Variants in NAALADL2 observed in about 807,000 individuals in gnomAD.
The protein encoded by NAALADL2 is N-acetylated alpha-linked acidic dipeptidase like 2, also known as inactive N-acetylated-alpha-linked acidic dipeptidase-like protein 2.
In NAALADL2, 76 loss-of-function variants were observed where a neutral mutation model predicts 87.2. The ratio of observed to expected loss-of-function variants is 0.87; its 90% CI spans 0.72 to 1.05. The LOEUF is 1.05. Among genes scored for constraint, NAALADL2 ranks in the 50% least tolerant of loss-of-function variants. The pLI is 0.00. For missense variants in NAALADL2, 1,089 were observed against 945.8 expected (o/e 1.15, Z -1.99); for synonymous variants, 354 against 331.0 (o/e 1.07, Z -0.75).
chr3:174,775,157 A>G (rs1002794127), intron 3 of NAALADL2, among the ~76,000 whole-genome samples: 9 of 152,106 alleles, frequency 5.9e-5, no homozygotes, highest in African/African-American at 1.9e-4. Flanking sequence ...TTTATATAAT[A>G]TGATATTCAT....
intron 2 of NAALADL2, among the ~76,000 whole-genome samples, chr3:175,229,176 T>C (rs1654192755): frequency 6.6e-6 from 1 of 151,802 alleles, no homozygotes; most frequent in Admixed American, 6.6e-5. Flanking sequence ...AATATTTCTT[T>C]AAATATTTTC....
chr3:175,066,471 G>A (rs528460909), intron 1 of NAALADL2, among the ~76,000 whole-genome samples: 1 of 152,060 alleles, frequency 6.6e-6, no homozygotes, highest in Non-Finnish European at 1.5e-5. Flanking sequence ...CACTGAGACT[G>A]CCACAAAGTA....
At chr3:174,444,683 C>T (rs891006024) in intron 1 of NAALADL2, among the ~76,000 whole-genome samples, 3 of 152,060 alleles carry the variant, frequency 2.0e-5, no homozygotes, top group Non-Finnish European at 2.9e-5. Context: ...AGAATATTAC[C>T]GTTATTATCA....
At position 175,723,085 on chromosome 3, in the gene NAALADL2, G is replaced by A. The variant is rs1001413864; in HGVS notation, c.1897-14221G>A. Among the ~76,000 whole-genome samples the A allele has an allele frequency of 7.9e-5, 12 of 152,186 alleles. 1 individual carries two copies. Among genetic ancestry groups the A allele is most frequent in the South Asian group, 4.1e-4 (2 of 4,826 alleles). On this transcript the variant is annotated intron_variant, in intron 11 of 13. Transcript: ENST00000454872. ...GGGGCAGGTTCTGCTGAGCCCCAGC[G>A]TCTAGTCAAGCTGTCCTAGATGTAG...
chr3:175,212,558 T>C (rs1172835581), intron 2 of NAALADL2, among the ~76,000 whole-genome samples: 3 of 151,990 alleles, frequency 2.0e-5, no homozygotes, highest in Non-Finnish European at 4.4e-5. Flanking sequence ...TTCATTTTTT[T>C]TTCTTCTTCC....
At chr3:174,753,564 T>A (rs1435519582) in intron 3 of NAALADL2, among the ~76,000 whole-genome samples, 2 of 152,138 alleles carry the variant, frequency 1.3e-5, no homozygotes, top group Non-Finnish European at 2.9e-5. Flanking sequence ...CTTTTTAAAG[T>A]AGGAGTGATC....
chr3:175,422,776 C>T (rs1715927939), intron 5 of NAALADL2, among the ~76,000 whole-genome samples: 1 of 151,830 alleles, frequency 6.6e-6, no homozygotes, highest in Non-Finnish European at 1.5e-5. Context: ...TTGACAGCAC[C>T]ATTGAACACA....
chr3:175,135,840 G>C (rs978026254), intron 2 of NAALADL2, among the ~76,000 whole-genome samples: 2 of 152,146 alleles, frequency 1.3e-5, no homozygotes, highest in African/African-American at 4.8e-5. Flanking sequence ...TGTTCTGAGA[G>C]CAGAATTTTA....
rs189050474 is a variant in NAALADL2, at chr3:174,859,360, G to A, written c.-48G>A. 4 of 1,454,944 alleles carry A rather than the reference G, an allele frequency of 2.7e-6. No homozygotes were observed. Among genetic ancestry groups the A allele is most frequent in the Admixed American group, 3.6e-5 (2 of 55,414 alleles). 90.1% of individuals were successfully genotyped at this position (1,454,944 alleles called of 1,614,324 possible). A position where few individuals can be genotyped will look rare whatever the true frequency, so the allele number is the denominator to read the frequency against. ...GAAGGTCACAAAGCTTGCAGGGTAA[G>A]TGACACAACTTGAAACTGCTTGGCC... On this transcript the variant is annotated 5_prime_UTR_variant, in exon 1 of 14. The change creates a new upstream start codon in the 5' untranslated region. Coordinates refer to ENST00000454872, the MANE Select transcript of NAALADL2 (RefSeq NM_207015.3).
chr3:174,489,580 A>T (rs1051473405), intron 1 of NAALADL2, among the ~76,000 whole-genome samples: 3 of 152,116 alleles, frequency 2.0e-5, no homozygotes, highest in African/African-American at 7.2e-5. Flanking sequence ...ATGTTAGCAA[A>T]TTATATCTTT....
chr3:174,968,158 C>T (rs150811368), intron 1 of NAALADL2, among the ~76,000 whole-genome samples: 5 of 152,270 alleles, frequency 3.3e-5, no homozygotes, highest in African/African-American at 4.8e-5. Flanking sequence ...CCACCTCTTA[C>T]TTTGGGTATG....
chr3:175,030,978 C>T (rs1259118055), intron 1 of NAALADL2, among the ~76,000 whole-genome samples: 6 of 151,968 alleles, frequency 3.9e-5, no homozygotes, highest in African/African-American at 9.6e-5. Flanking sequence ...TATCAGTATT[C>T]TTCAAAAGTG....
chr3:175,219,469 C>T (rs532191860), intron 2 of NAALADL2, among the ~76,000 whole-genome samples: 7 of 152,128 alleles, frequency 4.6e-5, no homozygotes, highest in Admixed American at 4.6e-4. Context: ...ATATCTTGAA[C>T]TCTATTGATT....
chr3:175,335,955 A>G (rs1363579934), intron 5 of NAALADL2, among the ~76,000 whole-genome samples: 1 of 152,144 alleles, frequency 6.6e-6, no homozygotes, highest in Non-Finnish European at 1.5e-5. Context: ...GAAACGTGTC[A>G]GGTAATTAAC....
rs59371769 is a variant in NAALADL2, at chr3:175,746,365, GT to G, written c.1991-8845del. Among the ~76,000 whole-genome samples, 865 of 138,656 alleles carry G rather than the reference GT, an allele frequency of 6.2e-3. 6 individuals are homozygous for G. Among genetic ancestry groups the G allele is most frequent in the African/African-American group, 0.02 (771 of 37,890 alleles). The allele number at this position is 138,656 out of a possible 152,430, so 91.0% of individuals were successfully genotyped here. On this transcript the variant is annotated intron_variant, in intron 12 of 13. Coordinates refer to ENST00000454872, the MANE Select transcript of NAALADL2 (RefSeq NM_207015.3). Reference sequence around the variant, plus strand: ...CAAATGATTGAGATCTATGTAATATGTTTTTTTTTTCTAAAAATTAAAAAGT... The same window carrying G: ...CAAATGATTGAGATCTATGTAATATGTTTTTTTTTCTAAAAATTAAAAAGT...
At chr3:175,118,973 T>C (rs1174342990) in intron 2 of NAALADL2, among the ~76,000 whole-genome samples, 3 of 151,804 alleles carry the variant, frequency 2.0e-5, no homozygotes, top group Admixed American at 2.0e-4. Flanking sequence ...TGTTGCCTAT[T>C]ATAACATGTG....
intron 1 of NAALADL2, among the ~76,000 whole-genome samples, chr3:174,990,587 C>A (rs1476415647): frequency 6.6e-6 from 1 of 151,578 alleles, no homozygotes; most frequent in Non-Finnish European, 1.5e-5. Context: ...TATGGAAAGC[C>A]GGGAGGAACT....
chr3:175,309,098 A>G (rs1227990182), intron 4 of NAALADL2, among the ~76,000 whole-genome samples: 1 of 152,214 alleles, frequency 6.6e-6, no homozygotes, highest in Non-Finnish European at 1.5e-5. Flanking sequence ...TGTGAAATAG[A>G]TCCCTTCTTT....
chr3:174,919,800 T>A (rs188750193), intron 1 of NAALADL2, among the ~76,000 whole-genome samples: 3 of 152,222 alleles, frequency 2.0e-5, no homozygotes, highest in South Asian at 2.1e-4. Flanking sequence ...TACAGCTTTA[T>A]GAAATGTGTT....
Sources: gnomAD v4.1 joint callset for allele counts (sites outside exome capture counted in the v4.1 genomes callset) on GRCh38, gnomAD v4.1.1 for gene constraint, MANE v1.5 for transcripts, NCBI Gene and HGNC (gene_info 2026-07-23, HGNC 2026-07-21) for gene names.